PRKCE: variants seen among roughly 807,000 people sequenced by gnomAD.
The protein encoded by PRKCE is protein kinase C epsilon type.
In PRKCE, 16 loss-of-function variants were observed where a neutral mutation model predicts 85.4. That is an observed-to-expected ratio of 0.19 (90% CI 0.13 to 0.28). The LOEUF (loss-of-function observed/expected upper bound fraction) is 0.28, where lower values mean the gene tolerates loss of function less well. Ranked by LOEUF, PRKCE falls within the 10% of genes least tolerant of loss-of-function variation. The pLI is 1.00. For synonymous variants in PRKCE, 388 were observed against 371.5 expected (o/e 1.04, Z -0.51); for missense variants, 573 against 975.2 (o/e 0.59, Z 5.49).
At chr2:45,781,615 A>G (rs1476298662) in intron 1 of PRKCE, among the ~76,000 whole-genome samples, 1 of 152,200 alleles carries the variant, frequency 6.6e-6, no homozygotes, top group Non-Finnish European at 1.5e-5. Flanking sequence ...CATCACCAGC[A>G]GCTGATGCAG....
At chr2:45,962,701 G>A (rs551897324) in intron 2 of PRKCE, among the ~76,000 whole-genome samples, 21 of 152,258 alleles carry the variant, frequency 1.4e-4, no homozygotes, top group African/African-American at 2.2e-4. Flanking sequence ...CTTAAGGCCC[G>A]AATAACTGGG....
chr2:46,122,892 T>G lies in PRKCE; in HGVS notation c.1593-22201T>G, dbSNP rs1057178972. ...GCACAACAGTCTGGGTTTTTTTTTT[T>G]TTTTTTTTTTTTAGCAGTACACCAA... On this transcript the variant is annotated intron_variant, in intron 11 of 14. Coordinates refer to ENST00000306156, the MANE Select transcript of PRKCE (RefSeq NM_005400.3). Among the ~76,000 whole-genome samples the G allele has an allele frequency of 5.3e-5, 8 of 149,712 alleles. No homozygotes were observed. In the East Asian group the frequency reaches 1.4e-3, roughly 25 times the overall value.
chr2:45,918,776 G>C lies in PRKCE; in HGVS notation c.413-57653G>C, dbSNP rs557134301. ...CGCAGGGCTGAGGTTGGCGAGGGGGGGAATGGGAAGGGAGGGGAGAAGTGC... is the reference window on the plus strand; with the variant it reads ...CGCAGGGCTGAGGTTGGCGAGGGGGCGAATGGGAAGGGAGGGGAGAAGTGC... On this transcript the variant is annotated intron_variant, in intron 2 of 14. Coordinates refer to ENST00000306156, the MANE Select transcript of PRKCE (RefSeq NM_005400.3). 8.9e-4 allele frequency among the ~76,000 whole-genome samples: 135 copies of C among 152,344 alleles called. No individual in the cohort carries two copies. The Middle Eastern group carries it at 0.027, about 31-fold the overall frequency.
At chr2:45,949,222 C>T (rs555603578) in intron 2 of PRKCE, among the ~76,000 whole-genome samples, 56 of 152,268 alleles carry the variant, frequency 3.7e-4, no homozygotes, top group Admixed American at 7.9e-4. Flanking sequence ...AGCTCACATC[C>T]CCACCGGCAG....
At chr2:45,706,925 C>G (rs1195324224) in intron 1 of PRKCE, among the ~76,000 whole-genome samples, 1 of 152,136 alleles carries the variant, frequency 6.6e-6, no homozygotes, top group Non-Finnish European at 1.5e-5. Flanking sequence ...CTCAAGATCC[C>G]AAACAGAATA....
At chr2:45,699,359 G>A (rs1678422949) in intron 1 of PRKCE, among the ~76,000 whole-genome samples, 1 of 152,200 alleles carries the variant, frequency 6.6e-6, no homozygotes, top group Admixed American at 6.5e-5. Flanking sequence ...AGTGAAGTAG[G>A]CCTTTTTCTT....
chr2:46,106,107 A>G (rs954730673), intron 11 of PRKCE, among the ~76,000 whole-genome samples: 4 of 152,210 alleles, frequency 2.6e-5, no homozygotes, highest in Non-Finnish European at 5.9e-5. Context: ...GTTGTCATAA[A>G]TCTGCAAACA....
At chr2:45,861,951 A>G (rs981432235) in intron 2 of PRKCE, among the ~76,000 whole-genome samples, 1 of 152,186 alleles carries the variant, frequency 6.6e-6, no homozygotes, top group Non-Finnish European at 1.5e-5. Context: ...CTGTGATCCC[A>G]TTTGTGTGAA....
At position 46,004,507 on chromosome 2, in the gene PRKCE, C is replaced by T; in HGVS notation, c.967-35C>T. 1 of 1,518,398 alleles carries T rather than the reference C, an allele frequency of 6.6e-7. No homozygotes were observed. Among genetic ancestry groups the T allele is most frequent in the Non-Finnish European group, 8.9e-7 (1 of 1,125,360 alleles). 94.1% of individuals were successfully genotyped at this position (1,518,398 alleles called of 1,614,324 possible). A position where few individuals can be genotyped will look rare whatever the true frequency, so the allele number is the denominator to read the frequency against. ...ATCAGAAAACTCTCAACCCTCCCTT[C>T]TGATGCCTCTGTCCCTGCTTTCTCT... On this transcript the variant is annotated intron_variant, in intron 7 of 14. Transcript: ENST00000306156. This position sits in a 1 kb window ranked among gnomAD's most constrained non-coding sequence, Gnocchi z 4.1.
intron 1 of PRKCE, among the ~76,000 whole-genome samples, chr2:45,749,824 C>G (rs528102184): frequency 6.6e-6 from 1 of 152,202 alleles, no homozygotes; most frequent in Non-Finnish European, 1.5e-5. Context: ...CTGTTCATTA[C>G]AGCTGCTACA....
intron 1 of PRKCE, among the ~76,000 whole-genome samples, chr2:45,771,476 C>G (rs1685322906): frequency 6.6e-6 from 1 of 152,166 alleles, no homozygotes; most frequent in Non-Finnish European, 1.5e-5. Context: ...GGTGACCTCT[C>G]TCTCCACAGT....
chr2:45,756,363 G>A (rs1684004788), intron 1 of PRKCE, among the ~76,000 whole-genome samples: 2 of 152,280 alleles, frequency 1.3e-5, no homozygotes, highest in South Asian at 4.1e-4. Context: ...GATTAGAGAG[G>A]ATGGGAAAGT....
chr2:45,683,646 C>T (rs527447826), intron 1 of PRKCE, among the ~76,000 whole-genome samples: 6 of 152,248 alleles, frequency 3.9e-5, no homozygotes, highest in Middle Eastern at 6.8e-3. Context: ...AAATGCTTTG[C>T]GGGAGCAGTA....
chr2:46,101,437 G>T (rs1574473842), intron 11 of PRKCE, among the ~76,000 whole-genome samples: 2 of 152,194 alleles, frequency 1.3e-5, no homozygotes, highest in Admixed American at 1.3e-4. Context: ...TGGAAGAGTG[G>T]CCCAAGGAGT....
chr2:45,913,102 G>A (rs2103847806), intron 2 of PRKCE, among the ~76,000 whole-genome samples: 1 of 152,346 alleles, frequency 6.6e-6, no homozygotes, highest in South Asian at 2.1e-4. Context: ...TGTGTGAGAA[G>A]GTGCTGTCAG....
intron 1 of PRKCE, among the ~76,000 whole-genome samples, chr2:45,816,701 G>T (rs1173736878): frequency 1.3e-5 from 2 of 152,112 alleles, no homozygotes; most frequent in African/African-American, 4.8e-5. Flanking sequence ...CTGTACCAGG[G>T]TATCCCCAGC....
chr2:45,897,524 G>C (rs1233343922), intron 2 of PRKCE, among the ~76,000 whole-genome samples: 1 of 152,208 alleles, frequency 6.6e-6, no homozygotes, highest in Non-Finnish European at 1.5e-5. Context: ...AGAATAGTTA[G>C]TGTTACAGAA....
In PRKCE at chr2:45,774,855, C is replaced by T. The variant is rs979817988; in HGVS notation, c.349-68145C>T. On this transcript the variant is annotated intron_variant, in intron 1 of 14. Transcript: ENST00000306156. This position sits in a 1 kb window ranked among gnomAD's most constrained non-coding sequence, Gnocchi z 4.3. Reference sequence around the variant, plus strand: ...GTCCTGCTCCTCCCATTCCTGAGTTCGTCTCCAAGTCCAGGGTATCACTGT... The same window carrying T: ...GTCCTGCTCCTCCCATTCCTGAGTTTGTCTCCAAGTCCAGGGTATCACTGT... Among the ~76,000 whole-genome samples the T allele has an allele frequency of 2.0e-5, 3 of 152,088 alleles. No individual in the cohort carries two copies. The highest frequency in any genetic ancestry group is 4.4e-5 in the Non-Finnish European group (3 of 68,012).
intron 10 of PRKCE, among the ~76,000 whole-genome samples, chr2:46,029,937 T>A (rs1398256984): frequency 1.3e-5 from 2 of 152,264 alleles, no homozygotes; most frequent in African/African-American, 4.8e-5. Flanking sequence ...AGTAAATGTT[T>A]CCCACACTGT....
Sources: gnomAD v4.1 joint callset for allele counts (sites outside exome capture counted in the v4.1 genomes callset) on GRCh38, gnomAD v4.1.1 for gene constraint, Gnocchi (gnomAD v3.1) non-coding constraint, MANE v1.5 for transcripts, NCBI Gene and HGNC (gene_info 2026-07-23, HGNC 2026-07-21) for gene names.